Variants in PCDHGB7 observed in about 807,000 individuals in gnomAD.
The protein encoded by PCDHGB7 is protocadherin gamma-B7.
A neutral mutation model predicts 61.4 loss-of-function variants in PCDHGB7; 37 were observed. That is an observed-to-expected ratio of 0.60 (90% CI 0.46 to 0.79). The LOEUF (loss-of-function observed/expected upper bound fraction) is 0.79, where lower values mean the gene tolerates loss of function less well. PCDHGB7 is among the 30% of genes least tolerant of loss of function. The pLI, the probability that PCDHGB7 is intolerant of heterozygous loss-of-function variation, is 0.00. For missense variants in PCDHGB7, 1,166 were observed against 1,202.5 expected, an observed-to-expected ratio of 0.97 and a Z score of 0.45; for synonymous variants, 464 against 503.5, an observed-to-expected ratio of 0.92 and a Z score of 1.05.
At chr5:141,483,743 C>G (rs1360515518) in intron 1 of PCDHGB7, among the ~76,000 whole-genome samples, 2 of 152,022 alleles carry the variant, frequency 1.3e-5, no homozygotes, top group Non-Finnish European at 2.9e-5. Context: ...AAAGGATATT[C>G]CTGAGGATCG....
Position 141,491,287 on chromosome 5 carries a change from C to T in PCDHGB7, c.2416-3520C>T, listed in dbSNP as rs1562145447. 2 of 1,614,030 alleles carry T rather than the reference C, an allele frequency of 1.2e-6. No homozygotes were observed. Among genetic ancestry groups the T allele is most frequent in the Admixed American group, 1.7e-5 (1 of 60,032 alleles). On this transcript the variant is annotated intron_variant, in intron 1 of 3. Coordinates refer to ENST00000398594, the MANE Select transcript of PCDHGB7 (RefSeq NM_018927.4). The surrounding 1 kb of genome is among the most constrained non-coding windows in gnomAD (Gnocchi z 6.9). ...GCCCAAATCCAGTGACTTCCTCATA[C>T]ACCCTCCTGAGCGTTCAGACCTTAC... is the stretch of plus-strand genomic sequence containing the variant.
At chr5:141,478,159 T>C (rs1456465606) in intron 1 of PCDHGB7, 2 of 1,614,064 alleles carry the variant, frequency 1.2e-6, no homozygotes, top group Admixed American at 1.7e-5. Flanking sequence ...CCTCTGGCTC[T>C]GCCCCCCGGG....
Position 141,419,783 on chromosome 5 carries a change from C to A in PCDHGB7, c.1924C>A (p.Leu642Met). The A allele has an allele frequency of 1.2e-6, 2 of 1,614,070 alleles. No individual in the cohort carries two copies. The highest frequency in any genetic ancestry group is 1.7e-6 in the Non-Finnish European group (2 of 1,179,902). Residue 642 changes from leucine to methionine, a missense_variant, in exon 1 of 4, where the codon CTG (leucine) becomes ATG (methionine). Coordinates refer to ENST00000398594, the MANE Select transcript of PCDHGB7 (RefSeq NM_018927.4). ...LGDKDSVRQR[L>M]LVAVRDGGQP... The stretch of plus-strand genomic sequence containing the variant: ...TGACAAGGACTCGGTCCGCCAGCGC[C>A]TGCTAGTCGCTGTAAGAGATGGAGG...
rs2154591305 is a variant in PCDHGB7, at chr5:141,493,879, G to A, written c.2416-928G>A. Among the ~76,000 whole-genome samples the A allele has an allele frequency of 6.6e-6, 1 of 152,288 alleles. No homozygotes were observed. The highest frequency in any genetic ancestry group is 6.5e-5 in the Admixed American group (1 of 15,302). ...CCCACCCCAGAACCAGTGAGGAGGT[G>A]GCTCTAGGAGTGCTCCATGAGAGTG... On this transcript the variant is annotated intron_variant, in intron 1 of 3. Coordinates refer to ENST00000398594, the MANE Select transcript of PCDHGB7 (RefSeq NM_018927.4). This position sits in a 1 kb window ranked among gnomAD's most constrained non-coding sequence, Gnocchi z 4.3.
At chr5:141,438,591 C>CATATATATATATATATATAT (rs946798767) in intron 1 of PCDHGB7, among the ~76,000 whole-genome samples, 1 of 75,562 alleles carries the variant, frequency 1.3e-5, no homozygotes, top group Non-Finnish European at 2.7e-5. Context: ...TACATACATA[C>CATATATATATATATATATAT]ATATATATAT....
chr5:141,421,861 C>T, intron 1 of PCDHGB7: 2 of 1,613,738 alleles, frequency 1.2e-6, no homozygotes, highest in South Asian at 2.2e-5. Flanking sequence ...TCACCTGCTC[C>T]TCCTCACAGC....
chr5:141,477,777 A>G lies in PCDHGB7; in HGVS notation c.2416-17030A>G, dbSNP rs775845004. ...GTCCTAGCCACCAACATCAGCGTGA[A>G]CATATTTGTCACTGATCGCAATGAC... is the stretch of plus-strand genomic sequence containing the variant. On this transcript the variant is annotated intron_variant, in intron 1 of 3. Transcript: ENST00000398594. The surrounding 1 kb of genome is among the most constrained non-coding windows in gnomAD (Gnocchi z 4.9). The G allele has an allele frequency of 1.9e-4, 299 of 1,613,944 alleles. No homozygotes were observed. Among genetic ancestry groups the G allele is most frequent in the Non-Finnish European group, 2.5e-4 (295 of 1,180,048 alleles).
chr5:141,444,406 G>A (rs1296878411), intron 1 of PCDHGB7, among the ~76,000 whole-genome samples: 1 of 151,874 alleles, frequency 6.6e-6, no homozygotes, highest in Non-Finnish European at 1.5e-5. Context: ...CCCAACCTCA[G>A]GTGATCTTCC....
chr5:141,500,114 G>A (rs72790070), intron 2 of PCDHGB7, among the ~76,000 whole-genome samples: 10,550 of 151,670 alleles, frequency 0.07, 640 homozygotes, highest in African/African-American at 0.16. Flanking sequence ...TTGAATCCCT[G>A]CCTTTTCATA....
rs2233613 is a variant in PCDHGB7 at position 141,511,203 on chromosome 5, G to A, written c.*30G>A. 0.14 allele frequency: 222,603 copies of A among 1,611,360 alleles called. 15,640 individuals carry two copies. The highest frequency in any genetic ancestry group is 0.18 in the Admixed American group (10,873 of 59,374). ...GAGGCCAGGCCAAGAGCCACAGGGC[G>A]GCCTCTCCCCAACCAGCCCAGCTTC... On this transcript the variant is annotated 3_prime_UTR_variant, in exon 4 of 4. Transcript: ENST00000398594.
In PCDHGB7 at chr5:141,432,635, G is replaced by T. The variant is rs754354737; in HGVS notation, c.2415+12361G>T. 8.7e-6 allele frequency: 14 copies of T among 1,613,004 alleles called. No individual in the cohort carries two copies. The South Asian group carries it at 1.4e-4, about 16-fold the overall frequency. On this transcript the variant is annotated intron_variant, in intron 1 of 3. Transcript: ENST00000398594. This position sits in a 1 kb window ranked among gnomAD's most constrained non-coding sequence, Gnocchi z 6.0. ...CTCGGTGGGTCTGCACACGGGCGAGGTGCGCACGGCGCGAGCCCTGCTGGA... is the reference window on the plus strand; with the variant it reads ...CTCGGTGGGTCTGCACACGGGCGAGTTGCGCACGGCGCGAGCCCTGCTGGA...
chr5:141,481,900 C>T (rs949418188), intron 1 of PCDHGB7, among the ~76,000 whole-genome samples: 13 of 126,002 alleles, frequency 1.0e-4, no homozygotes, highest in African/African-American at 3.2e-4. Flanking sequence ...GGTGAAAGAG[C>T]GAAACTCCAT....
intron 1 of PCDHGB7, chr5:141,422,006 C>G: frequency 6.2e-7 from 1 of 1,609,754 alleles, no homozygotes; most frequent in Non-Finnish European, 8.5e-7. Flanking sequence ...AGCTCCGGAA[C>G]TCGGGTGCTG....
chr5:141,478,414 C>T, intron 1 of PCDHGB7: 1 of 1,613,630 alleles, frequency 6.2e-7, no homozygotes, highest in Non-Finnish European at 8.5e-7. Context: ...CCACGGACTC[C>T]CGCCGCAGCG....
Position 141,423,666 on chromosome 5 carries a change from AT to A in PCDHGB7, c.2415+3395del, listed in dbSNP as rs1184681047. 2.7e-6 allele frequency: 4 copies of A among 1,494,382 alleles called. No individual in the cohort carries two copies. The South Asian group carries it at 5.0e-5, about 19-fold the overall frequency. The allele number at this position is 1,494,382 out of a possible 1,614,324, so 92.6% of individuals were successfully genotyped here. A position where few individuals can be genotyped will look rare whatever the true frequency, so the allele number is the denominator to read the frequency against. ...GTGACCCGACAAGTAATCAGGTGAGATTTATTTCTCTGCCTCCTAATTGTTG... is the reference window on the plus strand; with the variant it reads ...GTGACCCGACAAGTAATCAGGTGAGATTATTTCTCTGCCTCCTAATTGTTG... On this transcript the variant is annotated intron_variant, in intron 1 of 3. Coordinates refer to ENST00000398594, the MANE Select transcript of PCDHGB7 (RefSeq NM_018927.4).
At chr5:141,458,921 C>T (rs1471065767) in intron 1 of PCDHGB7, among the ~76,000 whole-genome samples, 1 of 151,960 alleles carries the variant, frequency 6.6e-6, no homozygotes, top group East Asian at 1.9e-4. Flanking sequence ...TTTGTGGAGA[C>T]GGGGTCTCAC....
intron 1 of PCDHGB7, chr5:141,433,169 C>T: frequency 6.2e-7 from 1 of 1,613,000 alleles, no homozygotes; most frequent in Non-Finnish European, 8.5e-7. Context: ...TAAAGACAGT[C>T]ATGGGTTAAT....
At chr5:141,455,552 G>T (rs897699654) in intron 1 of PCDHGB7, among the ~76,000 whole-genome samples, 1 of 152,144 alleles carries the variant, frequency 6.6e-6, no homozygotes, top group African/African-American at 2.4e-5. Flanking sequence ...CGTAGCCCGA[G>T]AAAAAGCTGG....
intron 2 of PCDHGB7, among the ~76,000 whole-genome samples, chr5:141,498,971 G>GGAA (rs2099787559): frequency 9.0e-6 from 1 of 110,972 alleles, no homozygotes; most frequent in African/African-American, 3.6e-5. Flanking sequence ...GAGGGAGGGA[G>GGAA]GGAAGGAAGG....
Sources: allele counts gnomAD v4.1 joint callset (sites outside exome capture counted in the v4.1 genomes callset), GRCh38; gene constraint gnomAD v4.1.1; non-coding constraint Gnocchi (gnomAD v3.1); transcripts MANE v1.5; gene names NCBI Gene and HGNC (gene_info 2026-07-23, HGNC 2026-07-21).